ZMYND8: variants seen among roughly 807,000 people sequenced by gnomAD.
ZMYND8 encodes MYND-type zinc finger-containing chromatin reader ZMYND8.
In ZMYND8, 37 loss-of-function variants were observed where a neutral mutation model predicts 140.8. The observed-to-expected ratio is 0.26, with a 90% confidence interval of 0.20 to 0.35. The LOEUF is 0.35. Ranked by LOEUF, ZMYND8 falls within the 10% of genes least tolerant of loss-of-function variation. The pLI, the probability that ZMYND8 is intolerant of heterozygous loss-of-function variation, is 1.00. For missense variants in ZMYND8, 1,068 were observed against 1,570.0 expected (o/e 0.68, Z 5.40); for synonymous variants, 592 against 597.1 (o/e 0.99, Z 0.12).
intron 14 of ZMYND8, among the ~76,000 whole-genome samples, chr20:47,240,553 GTTTAT>G (rs1235612458): frequency 5.3e-5 from 8 of 151,478 alleles, no homozygotes; most frequent in South Asian, 4.2e-4. Flanking sequence ...AATAAAATGA[GTTTAT>G]TTTATTTATT....
intron 9 of ZMYND8, 147 bp from the exon 10 acceptor site, chr20:47,282,364 T>C: frequency 1.6e-6 from 1 of 622,766 alleles, no homozygotes; most frequent in Non-Finnish European, 2.7e-6. Context: ...CTGTGTGGTA[T>C]TCCCTAAAAG....
At chr20:47,248,702 C>T (rs530366858) in intron 13 of ZMYND8, among the ~76,000 whole-genome samples, 146 of 152,358 alleles carry the variant, frequency 9.6e-4, no homozygotes, top group African/African-American at 3.4e-3. Flanking sequence ...ACCATTGCTA[C>T]TTCCGAGCAA....
chr20:47,314,870 C>A (rs757266165), intron 2 of ZMYND8, among the ~76,000 whole-genome samples: 2 of 152,182 alleles, frequency 1.3e-5, no homozygotes, highest in Admixed American at 6.5e-5. Context: ...GCCTCACCTG[C>A]AAAATGGGAA....
chr20:47,341,508 C>T (rs1378179181), intron 2 of ZMYND8, among the ~76,000 whole-genome samples: 1 of 137,652 alleles, frequency 7.3e-6, no homozygotes, highest in Non-Finnish European at 1.5e-5. Context: ...GCCTAGGTGA[C>T]AGAGCGAGAC....
chr20:47,238,037 T>A (rs2039460484), intron 15 of ZMYND8: 1 of 152,268 alleles, frequency 6.6e-6, no homozygotes, highest in African/African-American at 2.4e-5. Context: ...CACTGTACTT[T>A]TTCCAAAATA....
intron 2 of ZMYND8, among the ~76,000 whole-genome samples, chr20:47,333,688 T>C (rs2081139547): frequency 8.1e-6 from 1 of 123,550 alleles, no homozygotes; most frequent in African/African-American, 3.1e-5. Context: ...ATAGTGCCAC[T>C]GCACTCTAGC....
At chr20:47,223,341 A>G (rs1254327968) in intron 19 of ZMYND8, among the ~76,000 whole-genome samples, 4 of 151,772 alleles carry the variant, frequency 2.6e-5, no homozygotes, top group Admixed American at 2.6e-4. Flanking sequence ...CCCTGTCTCT[A>G]CTAATAATAC....
At position 47,211,237 on chromosome 20, in the gene ZMYND8, C is replaced by T. The variant is rs560617239; in HGVS notation, c.3569-340G>A. On this transcript the variant is annotated intron_variant, in intron 22 of 22. Coordinates refer to ENST00000471951, the MANE Select transcript of ZMYND8 (RefSeq NM_001281775.3). ...TCCTTACTACATCACTGAACGACAC[C>T]AAGCACCCCATGCACTTCTGGGTCC... 9.8e-5 allele frequency among the ~76,000 whole-genome samples: 15 copies of T among 152,296 alleles called. 1 individual carries two copies. The South Asian group carries it at 2.9e-3, about 29-fold the overall frequency.
At chr20:47,229,053 T>A (rs2038111360) in intron 17 of ZMYND8, among the ~76,000 whole-genome samples, 2 of 151,754 alleles carry the variant, frequency 1.3e-5, no homozygotes, top group Non-Finnish European at 2.9e-5. Context: ...TAGAGTACAG[T>A]GGCACAATCA....
chr20:47,209,241 AAAAG>A lies in ZMYND8; in HGVS notation c.*1516_*1519del, dbSNP rs1185800410. 2 of 152,112 alleles carry A rather than the reference AAAAG, an allele frequency of 1.3e-5. No homozygotes were observed. Among genetic ancestry groups the A allele is most frequent in the Non-Finnish European group, 2.9e-5 (2 of 68,030 alleles). The allele number at this position is 152,112 out of a possible 1,614,324, so 9.4% of individuals were successfully genotyped here. On this transcript the variant is annotated 3_prime_UTR_variant, in exon 23 of 23. Coordinates refer to ENST00000471951, the MANE Select transcript of ZMYND8 (RefSeq NM_001281775.3). Reference sequence around the variant, plus strand: ...ATTTTTCCAAAACAGTTTAATTAAAAAAAGGTAAAGAAATCTGAAAAAACTGGGG... The same window carrying A: ...ATTTTTCCAAAACAGTTTAATTAAAAGTAAAGAAATCTGAAAAAACTGGGG...
Position 47,344,841 on chromosome 20 carries a change from G to GGT in ZMYND8, c.85+3013_85+3014dup, listed in dbSNP as rs542483577. 1.2e-3 allele frequency among the ~76,000 whole-genome samples: 187 copies of GGT among 152,280 alleles called. 2 individuals carry two copies. The highest frequency in any genetic ancestry group is 4.4e-3 in the African/African-American group (181 of 41,548). The stretch of plus-strand genomic sequence containing the variant: ...ATGTAATAGAAAATTGGCCAGGCAT[G>GGT]GTGGCACATGCCTATAATCCCAGCA... On this transcript the variant is annotated intron_variant, in intron 2 of 22. Transcript: ENST00000471951.
intron 14 of ZMYND8, among the ~76,000 whole-genome samples, chr20:47,241,684 G>A (rs2039988701): frequency 6.6e-6 from 1 of 152,054 alleles, no homozygotes; most frequent in Admixed American, 6.6e-5. Context: ...CCCCGGTAAG[G>A]TGAGCCTATG....
At chr20:47,263,056 A>C (rs149585834) in intron 11 of ZMYND8, among the ~76,000 whole-genome samples, 72 of 152,352 alleles carry the variant, frequency 4.7e-4, no homozygotes, top group African/African-American at 1.6e-3. Flanking sequence ...TAAGGCTTTT[A>C]AAAATACCTT....
chr20:47,276,858 T>C, intron 10 of ZMYND8, 63 bp from the exon 11 acceptor site: 1 of 1,479,036 alleles, frequency 6.8e-7, no homozygotes, highest in Non-Finnish European at 8.9e-7. Flanking sequence ...ATTGCTTTTT[T>C]CTTGATGTGA....
intron 18 of ZMYND8, among the ~76,000 whole-genome samples, chr20:47,225,572 GGGAAGGGAGGGGAAGGAAGGGGAA>G (rs2146992744): frequency 0.015 from 39 of 2,544 alleles, no homozygotes; most frequent in Non-Finnish European, 0.027. Flanking sequence ...GGGAAGGGAG[GGGAAGGGAGGGGAAGGAAGGGGAA>G]GGAGGGGATG....
intron 10 of ZMYND8, among the ~76,000 whole-genome samples, chr20:47,281,039 G>C (rs1380284198): frequency 1.3e-5 from 2 of 152,118 alleles, no homozygotes; most frequent in African/African-American, 4.8e-5. Flanking sequence ...CCTTCACATG[G>C]GCAGAAACAT....
chr20:47,338,037 G>A (rs890196291), intron 2 of ZMYND8, among the ~76,000 whole-genome samples: 9 of 151,918 alleles, frequency 5.9e-5, no homozygotes, highest in Admixed American at 2.6e-4. Flanking sequence ...AGAAGAGGAC[G>A]GCTCAGCACC....
intron 21 of ZMYND8, among the ~76,000 whole-genome samples, chr20:47,214,587 G>C (rs990168106): frequency 6.6e-6 from 1 of 152,138 alleles, no homozygotes; most frequent in Non-Finnish European, 1.5e-5. Flanking sequence ...TCCGCCTCCT[G>C]GGTTCAAGTA....
rs56109197 is a variant in ZMYND8, at chr20:47,262,488, G to A, written c.1481-60C>T. ...ACAAATAAACAAGTAGAACGTGTAG[G>A]TGTGGTGTAGGGAGAGAATGGAGAG... is the stretch of plus-strand genomic sequence containing the variant. On this transcript the variant is annotated intron_variant, in intron 11 of 22. Transcript: ENST00000471951. 4.2e-4 allele frequency: 673 copies of A among 1,603,806 alleles called. 2 individuals carry two copies. In the African/African-American group the frequency reaches 5.6e-3, roughly 13 times the overall value.
Sources: allele counts gnomAD v4.1 joint callset (sites outside exome capture counted in the v4.1 genomes callset), GRCh38; gene constraint gnomAD v4.1.1; transcripts MANE v1.5; gene names NCBI Gene and HGNC (gene_info 2026-07-23, HGNC 2026-07-21).